Variants in FBXL2 observed in about 807,000 individuals in gnomAD.
FBXL2 encodes F-box and leucine rich repeat protein 2.
In FBXL2, 38 loss-of-function variants were observed where a neutral mutation model predicts 69.2. That is an observed-to-expected ratio of 0.55 (90% CI 0.42 to 0.72). FBXL2 has a LOEUF of 0.72. Ranked by LOEUF, FBXL2 falls within the 30% of genes least tolerant of loss-of-function variation. FBXL2 has a pLI of 0.00. For synonymous variants in FBXL2, 192 were observed against 201.3 expected, an observed-to-expected ratio of 0.95 and a Z score of 0.39; for missense variants, 354 against 520.3, an observed-to-expected ratio of 0.68 and a Z score of 3.11.
At chr3:33,296,462 A>G (rs959179149) in intron 1 of FBXL2, among the ~76,000 whole-genome samples, 1 of 152,170 alleles carries the variant, frequency 6.6e-6, no homozygotes, top group Admixed American at 6.5e-5. Context: ...ATCCAAGGCC[A>G]CCAAGATTTA....
At chr3:33,375,605 G>C (rs1388936226) in intron 10 of FBXL2, among the ~76,000 whole-genome samples, 187 bp downstream of exon 10, 1 of 152,146 alleles carries the variant, frequency 6.6e-6, no homozygotes, top group Non-Finnish European at 1.5e-5. Context: ...GATGTACTGG[G>C]AGAGTATAAA....
chr3:33,402,963 T>G (rs1471041242), intron 12 of FBXL2: 14 of 1,429,692 alleles, frequency 9.8e-6, no homozygotes, highest in Non-Finnish European at 1.3e-5. Context: ...GGAAGAAATA[T>G]TTTTGTAATT....
the FBXL2 span, chr3:33,416,625 A>G: frequency 1.5e-6 from 1 of 649,290 alleles, no homozygotes; most frequent in Non-Finnish European, 2.5e-6. Flanking sequence ...TTACAGGTGA[A>G]TAAACAAAAT....
chr3:33,341,684 G>T (rs1443405589), intron 2 of FBXL2, among the ~76,000 whole-genome samples: 1 of 151,830 alleles, frequency 6.6e-6, no homozygotes, highest in Non-Finnish European at 1.5e-5. Flanking sequence ...ACAAAAATTA[G>T]CCGATCATGG....
At chr3:33,299,942 A>G (rs546942735) in intron 2 of FBXL2, among the ~76,000 whole-genome samples, 1 of 152,216 alleles carries the variant, frequency 6.6e-6, no homozygotes, top group Admixed American at 6.5e-5. Flanking sequence ...TTGTCACTAT[A>G]CAACTGCACG....
intron 4 of FBXL2, among the ~76,000 whole-genome samples, chr3:33,362,605 G>T (rs2041703126): frequency 6.6e-6 from 1 of 152,168 alleles, no homozygotes; most frequent in South Asian, 2.1e-4. Flanking sequence ...TTACTAACTT[G>T]ATATTCCCCA....
intron 12 of FBXL2, chr3:33,393,596 T>C: frequency 1.4e-6 from 1 of 707,438 alleles, no homozygotes; most frequent in African/African-American, 1.8e-5. Flanking sequence ...GAATAAACTA[T>C]TTCTTTCCCC....
chr3:33,317,339 C>A, intron 2 of FBXL2: 1 of 394,906 alleles, frequency 2.5e-6, no homozygotes. Flanking sequence ...AGAGAAAACC[C>A]AAATCCCATT....
At chr3:33,398,887 T>C (rs1436285267) in intron 12 of FBXL2, among the ~76,000 whole-genome samples, 1 of 152,220 alleles carries the variant, frequency 6.6e-6, no homozygotes, top group Non-Finnish European at 1.5e-5. Flanking sequence ...TTTTACAATT[T>C]CTAGTTTTTC....
chr3:33,416,913 T>A, the FBXL2 span: 1 of 1,195,920 alleles, frequency 8.4e-7, no homozygotes, highest in Non-Finnish European at 1.2e-6. Flanking sequence ...AATGCATGTT[T>A]CTCAGAACAT....
chr3:33,318,795 G>A (rs1336106821), intron 2 of FBXL2, among the ~76,000 whole-genome samples: 2 of 152,166 alleles, frequency 1.3e-5, no homozygotes, highest in Non-Finnish European at 2.9e-5. Flanking sequence ...AAGGTCAGCA[G>A]GGCAATCCTC....
chr3:33,375,366 A>C lies in FBXL2; in HGVS notation c.736A>C (p.Asn246His). The change falls in exon 10 of 15, where the codon AAC becomes CAC. Residue 246 changes from asparagine (N) to histidine (H), a missense_variant. Transcript: ENST00000484457. Reference sequence around the variant, plus strand: ...GGCTCTCTGCCTTTCGGGTTGCAGCAACCTCACAGATGCCTCTCTTACAGC... The same window carrying C: ...GGCTCTCTGCCTTTCGGGTTGCAGCCACCTCACAGATGCCTCTCTTACAGC... Reference protein sequence around the residue: ...LQALCLSGCSNLTDASLTALG... With the variant: ...LQALCLSGCSHLTDASLTALG... 3 of 1,614,174 alleles carry C rather than the reference A, an allele frequency of 1.9e-6. No homozygotes were observed. The highest frequency in any genetic ancestry group is 2.5e-6 in the Non-Finnish European group (3 of 1,180,020).
At chr3:33,345,027 G>C (rs1559577640) in intron 2 of FBXL2, among the ~76,000 whole-genome samples, 1 of 152,162 alleles carries the variant, frequency 6.6e-6, no homozygotes. Flanking sequence ...TAGAAACAAT[G>C]AAAGTCTTAT....
intron 10 of FBXL2, among the ~76,000 whole-genome samples, chr3:33,376,331 C>T (rs2042638990): frequency 6.6e-6 from 1 of 152,172 alleles, no homozygotes; most frequent in Non-Finnish European, 1.5e-5. Context: ...AAAATCTCTA[C>T]TTCCCAATGA....
intron 2 of FBXL2, among the ~76,000 whole-genome samples, chr3:33,310,649 A>C (rs1431958232): frequency 6.6e-6 from 1 of 152,024 alleles, no homozygotes; most frequent in Non-Finnish European, 1.5e-5. Context: ...GGTAGGTCTG[A>C]TGGTGATGAA....
chr3:33,296,542 A>AT (rs113738383), intron 1 of FBXL2, among the ~76,000 whole-genome samples: 8 of 151,362 alleles, frequency 5.3e-5, no homozygotes, highest in African/African-American at 1.5e-4. Context: ...GCCATTTTGA[A>AT]TTTTTTTTTA....
At chr3:33,381,789 CTT>C (rs1431009616) in intron 13 of FBXL2, among the ~76,000 whole-genome samples, 3 of 152,088 alleles carry the variant, frequency 2.0e-5, no homozygotes, top group East Asian at 1.9e-4. Flanking sequence ...TGGCTTTACT[CTT>C]AATTCTAAAA....
chr3:33,378,243 G>A, intron 12 of FBXL2, 96 bp downstream of exon 12: 2 of 1,251,936 alleles, frequency 1.6e-6, no homozygotes, highest in Non-Finnish European at 2.3e-6. Context: ...CTATCATCCT[G>A]ACCCTCCTTG....
downstream of FBXL2, among the ~76,000 whole-genome samples, chr3:33,408,082 T>C (rs1216752296): frequency 6.6e-6 from 1 of 151,922 alleles, no homozygotes; most frequent in African/African-American, 2.4e-5. Flanking sequence ...TAATTCACAA[T>C]GCAACTGCCA....
Sources: allele counts gnomAD v4.1 joint callset (sites outside exome capture counted in the v4.1 genomes callset), GRCh38; gene constraint gnomAD v4.1.1; transcripts MANE v1.5; gene names NCBI Gene and HGNC (gene_info 2026-07-23, HGNC 2026-07-21).